The following SNAP91 variants were observed in gnomAD, a reference collection of about 807,000 sequenced individuals.
SNAP91 encodes the protein synaptosome associated protein 91.
Under a neutral mutation model 100.3 loss-of-function variants are expected in SNAP91, and 27 were observed. The ratio of observed to expected loss-of-function variants is 0.27; its 90% confidence interval spans 0.20 to 0.37. The LOEUF is 0.37. Ranked by LOEUF, SNAP91 falls within the 10% of genes least tolerant of loss-of-function variation. SNAP91 has a pLI of 1.00. For synonymous variants in SNAP91, 404 were observed against 398.6 expected, an observed-to-expected ratio of 1.01 and a Z score of -0.16; for missense variants, 986 against 1,123.7, an observed-to-expected ratio of 0.88 and a Z score of 1.75.
At chr6:83,698,829 C>A (rs764119357) in intron 2 of SNAP91, among the ~76,000 whole-genome samples, 4 of 152,086 alleles carry the variant, frequency 2.6e-5, no homozygotes, top group Non-Finnish European at 4.4e-5. Flanking sequence ...TTAAGTAACA[C>A]CTCACTATAA....
intron 7 of SNAP91, among the ~76,000 whole-genome samples, chr6:83,655,280 G>C (rs1005464652): frequency 5.3e-5 from 8 of 152,196 alleles, no homozygotes; most frequent in Admixed American, 2.6e-4. Flanking sequence ...TGCTTTGGTG[G>C]CAACATAGAG....
intron 9 of SNAP91, among the ~76,000 whole-genome samples, chr6:83,621,918 T>C (rs913410482): frequency 1.3e-5 from 2 of 152,102 alleles, no homozygotes; most frequent in African/African-American, 4.8e-5. Flanking sequence ...GTATTACTTA[T>C]GTGGATTATT....
intron 2 of SNAP91, among the ~76,000 whole-genome samples, chr6:83,677,301 T>C (rs1271115957): frequency 2.0e-5 from 3 of 152,194 alleles, no homozygotes; most frequent in Non-Finnish European, 4.4e-5. Flanking sequence ...GCTCTCAATG[T>C]AGACCAGTCT....
chr6:83,677,067 T>C (rs2098918538), intron 2 of SNAP91, among the ~76,000 whole-genome samples: 1 of 152,164 alleles, frequency 6.6e-6, no homozygotes, highest in Non-Finnish European at 1.5e-5. Flanking sequence ...AAAAACACTG[T>C]AGGTGAGCCG....
rs1280481345 is a variant in SNAP91, at chr6:83,585,203, T to C, written c.2015-2847A>G. ...AACAACTAATCTTTCTATGTGGTTC[T>C]AATTTACATTAAGAAAGACGTTTAG... On this transcript the variant is annotated intron_variant, in intron 22 of 29. Coordinates refer to ENST00000369694, the MANE Select transcript of SNAP91 (RefSeq NM_001242792.2). 3.3e-5 allele frequency among the ~76,000 whole-genome samples: 5 copies of C among 152,340 alleles called. No individual in the cohort carries two copies. In the South Asian group the frequency reaches 8.3e-4, roughly 25 times the overall value.
At chr6:83,649,123 C>T (rs2098087541) in intron 7 of SNAP91, among the ~76,000 whole-genome samples, 1 of 152,166 alleles carries the variant, frequency 6.6e-6, no homozygotes, top group Admixed American at 6.5e-5. Flanking sequence ...TACTGAATAA[C>T]AAATTACTCC....
intron 14 of SNAP91, among the ~76,000 whole-genome samples, chr6:83,601,991 A>G (rs892618151): frequency 7.2e-5 from 11 of 152,302 alleles, no homozygotes; most frequent in African/African-American, 2.6e-4. Context: ...CAGTAATCCC[A>G]TGTTTCTCAA....
intron 22 of SNAP91, among the ~76,000 whole-genome samples, chr6:83,585,144 T>C (rs2092224528): frequency 1.3e-5 from 2 of 152,218 alleles, no homozygotes; most frequent in Admixed American, 1.3e-4. Context: ...TGAAAAGTTT[T>C]AGGGCCCTGG....
Position 83,661,616 on chromosome 6 carries a change from GA to G in SNAP91, c.350-13del, listed in dbSNP as rs772747610. 1.2e-5 allele frequency: 18 copies of G among 1,456,438 alleles called. No individual in the cohort carries two copies. The highest frequency in any genetic ancestry group is 1.6e-5 in the Non-Finnish European group (17 of 1,058,714). 90.2% of individuals were successfully genotyped at this position (1,456,438 alleles called of 1,614,324 possible). ...AGACATATCATAACCTGGGAGAGTG[GA>G]AAGAAGAAATAAAACTAATTAATAA... On this transcript the variant is annotated splice_polypyrimidine_tract_variant and intron_variant, in intron 4 of 29. Transcript: ENST00000369694.
chr6:83,588,293 G>A (rs2093140686), intron 22 of SNAP91, among the ~76,000 whole-genome samples: 3 of 152,252 alleles, frequency 2.0e-5, no homozygotes, highest in Admixed American at 2.0e-4. Flanking sequence ...AAATAGAAAA[G>A]AGAGAAATAA....
chr6:83,556,397 A>AGAGGG (rs1562072085), intron 28 of SNAP91, among the ~76,000 whole-genome samples, 152 bp from the exon 29 acceptor site: 20 of 38,178 alleles, frequency 5.2e-4, no homozygotes, highest in African/African-American at 2.1e-3. Context: ...GAGAGAGAGA[A>AGAGGG]AAGCATTAGG....
intron 16 of SNAP91, among the ~76,000 whole-genome samples, chr6:83,596,356 C>A (rs1379445245): frequency 6.6e-6 from 1 of 152,102 alleles, no homozygotes; most frequent in East Asian, 1.9e-4. Context: ...GGACTTAGAG[C>A]AACACACCCT....
chr6:83,591,958 A>G (rs1408456816), intron 21 of SNAP91, among the ~76,000 whole-genome samples: 2 of 152,218 alleles, frequency 1.3e-5, no homozygotes, highest in East Asian at 1.9e-4. Flanking sequence ...ACATTTTCCA[A>G]TCCTTCTAAC....
chr6:83,656,895 G>T, intron 6 of SNAP91, 30 bp from the exon 7 acceptor site: 5 of 1,045,292 alleles, frequency 4.8e-6, no homozygotes, highest in South Asian at 1.5e-5. Flanking sequence ...TAATATTAGC[G>T]GCATATCATT....
intron 10 of SNAP91, among the ~76,000 whole-genome samples, chr6:83,616,166 T>A (rs1466753106): frequency 6.6e-6 from 1 of 152,156 alleles, no homozygotes; most frequent in Non-Finnish European, 1.5e-5. Context: ...AAAGGCTTCA[T>A]GAGAAGGTAG....
chr6:83,558,902 G>C (rs185719848), intron 28 of SNAP91, among the ~76,000 whole-genome samples: 4 of 152,244 alleles, frequency 2.6e-5, no homozygotes, highest in Admixed American at 2.6e-4. Context: ...AGAGGAATCA[G>C]GAAAGCATGA....
intron 26 of SNAP91, among the ~76,000 whole-genome samples, chr6:83,568,051 T>C (rs1330620707): frequency 1.3e-5 from 2 of 151,524 alleles, no homozygotes; most frequent in Non-Finnish European, 2.9e-5. Context: ...CACACGTATG[T>C]TTATTGTGGC....
intron 12 of SNAP91, among the ~76,000 whole-genome samples, chr6:83,608,804 T>G (rs188771351): frequency 2.0e-5 from 3 of 152,328 alleles, no homozygotes; most frequent in African/African-American, 7.2e-5. Flanking sequence ...TCAATAGTTA[T>G]GCAAGTGCCA....
At chr6:83,686,066 T>C (rs763834623) in intron 2 of SNAP91, 58 of 654,178 alleles carry the variant, frequency 8.9e-5, no homozygotes, top group Non-Finnish European at 1.1e-4. Flanking sequence ...TCTAGACCAG[T>C]AGATGCACAG....
Sources: gnomAD v4.1 joint callset for allele counts (sites outside exome capture counted in the v4.1 genomes callset) on GRCh38, gnomAD v4.1.1 for gene constraint, MANE v1.5 for transcripts, NCBI Gene and HGNC (gene_info 2026-07-23, HGNC 2026-07-21) for gene names.